The following COPG2 variants were observed in gnomAD, a reference collection of about 807,000 sequenced individuals.
The protein encoded by COPG2 is coatomer subunit gamma-2.
COPG2 carries 37 observed loss-of-function variants against 46.3 expected under a neutral mutation model. The observed-to-expected ratio is 0.80, with a 90% CI of 0.61 to 1.05. The LOEUF (loss-of-function observed/expected upper bound fraction) is 1.05, where lower values mean the gene tolerates loss of function less well. COPG2 is among the 50% of genes least tolerant of loss of function. COPG2 has a pLI of 0.00. For synonymous variants in COPG2, 159 were observed against 129.7 expected (o/e 1.23, Z -1.53); for missense variants, 427 against 387.8 (o/e 1.10, Z -0.85).
At chr7:130,661,273 A>C (rs1405506565) in intron 4 of COPG2, among the ~76,000 whole-genome samples, 2 of 152,170 alleles carry the variant, frequency 1.3e-5, no homozygotes, top group African/African-American at 4.8e-5. Flanking sequence ...TCTCCACTAC[A>C]TGTCCAGCTT....
At chr7:130,538,687 G>A (rs879024422) in intron 20 of COPG2, among the ~76,000 whole-genome samples, 4,899 of 69,832 alleles carry the variant, frequency 0.07, 111 homozygotes, top group Non-Finnish European at 0.1. Context: ...TGGGGGCCTG[G>A]GAGGGGATGG....
chr7:130,660,954 C>G (rs1319551744), intron 4 of COPG2, among the ~76,000 whole-genome samples: 1 of 152,194 alleles, frequency 6.6e-6, no homozygotes, highest in African/African-American at 2.4e-5. Context: ...TTTTTTGCTT[C>G]TCCCTCTGTT....
At chr7:130,598,182 C>T (rs1362305058) in intron 9 of COPG2, among the ~76,000 whole-genome samples, 2 of 152,094 alleles carry the variant, frequency 1.3e-5, no homozygotes, top group African/African-American at 2.4e-5. Flanking sequence ...CACTGACTCT[C>T]AATATTTGTT....
At chr7:130,652,992 A>G (rs1795777606) in intron 4 of COPG2, 44 bp from the exon 5 acceptor site, 1 of 1,324,874 alleles carries the variant, frequency 7.5e-7, no homozygotes, top group African/African-American at 1.4e-5. Flanking sequence ...TGATTAGGAA[A>G]TGGTTTTTTA....
chr7:130,538,516 G>A (rs1051382279), intron 20 of COPG2, among the ~76,000 whole-genome samples: 17 of 152,194 alleles, frequency 1.1e-4, no homozygotes, highest in African/African-American at 3.9e-4. Flanking sequence ...ATAGGATTAC[G>A]GTAGGGAGGC....
chr7:130,610,546 T>C (rs372833116), intron 9 of COPG2: 5 of 521,166 alleles, frequency 9.6e-6, no homozygotes, highest in African/African-American at 1.9e-5. Context: ...TAAAGTATAT[T>C]TGGTCACATC....
At chr7:130,608,645 A>AT (rs1456616091) in intron 9 of COPG2, among the ~76,000 whole-genome samples, 5 of 152,016 alleles carry the variant, frequency 3.3e-5, no homozygotes, top group African/African-American at 1.2e-4. Flanking sequence ...TCTCGTATCC[A>AT]TTTTTCTAAT....
intron 20 of COPG2, among the ~76,000 whole-genome samples, chr7:130,527,414 C>CAGGGAGTCCAGGTGGCCAT (rs1799784459): frequency 7.5e-6 from 1 of 133,912 alleles, no homozygotes; most frequent in Admixed American, 8.9e-5. Flanking sequence ...GAGTAAAGGC[C>CAGGGAGTCCAGGTGGCCAT]AGGGAGTCAA....
chr7:130,597,706 T>A (rs988760707), intron 9 of COPG2, among the ~76,000 whole-genome samples: 20 of 152,144 alleles, frequency 1.3e-4, no homozygotes, highest in East Asian at 1.2e-3. Flanking sequence ...GGGAAATAAC[T>A]CAAAGAAAAG....
rs782444531 is a variant in COPG2, at chr7:130,663,031, T to C, written c.179A>G (p.His60Arg). The C allele has an allele frequency of 1.3e-6, 2 of 1,532,436 alleles. No homozygotes were observed. Among genetic ancestry groups the C allele is most frequent in the African/African-American group, 1.4e-5 (1 of 71,696 alleles). The allele number at this position is 1,532,436 out of a possible 1,614,324, so 94.9% of individuals were successfully genotyped here. The change falls in exon 4 of 24, where the codon CAC (histidine) becomes CGC (arginine). Residue 60 changes from histidine (H) to arginine (R), a missense_variant. By Grantham distance (29) the His-to-Arg change is conservative. Coordinates refer to ENST00000425248, the MANE Select transcript of COPG2 (RefSeq NM_012133.6). The stretch of plus-strand genomic sequence containing the variant: ...TTCTGTAGCTTCCGTTGTTCCAAAG[T>C]GTTCACCCTAAGTAAAATTTAAAAC... ...KILYLLNQGE[H>R]FGTTEATEAF...
At chr7:130,587,176 G>A (rs1487453803) in intron 9 of COPG2, among the ~76,000 whole-genome samples, 4 of 151,610 alleles carry the variant, frequency 2.6e-5, no homozygotes, top group East Asian at 3.9e-4. Context: ...GCATGGTGGC[G>A]CATGCCTGTA....
At chr7:130,533,618 C>T (rs1799850192) in intron 20 of COPG2, among the ~76,000 whole-genome samples, 1 of 152,048 alleles carries the variant, frequency 6.6e-6, no homozygotes. Context: ...GTAGAATGAT[C>T]AGAGCTCAAA....
intron 5 of COPG2, among the ~76,000 whole-genome samples, chr7:130,644,372 T>A (rs570849913): frequency 1.1e-4 from 17 of 152,314 alleles, no homozygotes; most frequent in African/African-American, 3.8e-4. Context: ...CTTTGAACAC[T>A]CTTCAGACCA....
chr7:130,541,140 C>A (rs972764091), intron 20 of COPG2, among the ~76,000 whole-genome samples: 205 of 152,164 alleles, frequency 1.3e-3, no homozygotes, highest in African/African-American at 4.6e-3. Flanking sequence ...GAACACAGTT[C>A]CCGACAGATC....
chr7:130,653,074 C>CAA, intron 4 of COPG2, 126 bp from the exon 5 acceptor site: 19 of 468,346 alleles, frequency 4.1e-5, no homozygotes, highest in Middle Eastern at 5.8e-4. Flanking sequence ...TCTCATCTAC[C>CAA]AAAAAAAAAA....
At chr7:130,576,918 C>T (rs1448816025) in intron 9 of COPG2, among the ~76,000 whole-genome samples, 1 of 152,032 alleles carries the variant, frequency 6.6e-6, no homozygotes, top group East Asian at 1.9e-4. Context: ...CATTAAGAAA[C>T]GAAACAGAAG....
At chr7:130,662,868 A>G in intron 4 of COPG2, 99 bp downstream of exon 4, 1 of 708,078 alleles carries the variant, frequency 1.4e-6, no homozygotes, top group Non-Finnish European at 2.4e-6. Context: ...AATTTAAAAC[A>G]TTTCAAGCAA....
intron 9 of COPG2, chr7:130,610,711 T>C (rs988071249): frequency 3.3e-5 from 21 of 630,634 alleles, no homozygotes; most frequent in Middle Eastern, 2.8e-4. Context: ...TCAATGCATA[T>C]ATTTTTTGTT....
At chr7:130,560,123 C>T (rs913143399) in intron 12 of COPG2, among the ~76,000 whole-genome samples, 24 of 151,840 alleles carry the variant, frequency 1.6e-4, no homozygotes, top group South Asian at 1.0e-3. Context: ...TCAAGGAATA[C>T]GTATAATGAT....
Sources: allele counts gnomAD v4.1 joint callset (sites outside exome capture counted in the v4.1 genomes callset), GRCh38; gene constraint gnomAD v4.1.1; transcripts MANE v1.5; gene names NCBI Gene and HGNC (gene_info 2026-07-23, HGNC 2026-07-21).